Variants in C2CD2 observed in about 807,000 individuals in gnomAD.
C2CD2 encodes C2 calcium dependent domain containing 2.
In C2CD2, 43 loss-of-function variants were observed where a neutral mutation model predicts 74.3. That is an observed-to-expected ratio of 0.58 (90% confidence interval 0.45 to 0.75). C2CD2 has a LOEUF of 0.75. Ranked by LOEUF, C2CD2 falls within the 30% of genes least tolerant of loss-of-function variation. The pLI is 0.00. For synonymous variants in C2CD2, 422 were observed against 390.7 expected, an observed-to-expected ratio of 1.08 and a Z score of -0.94; for missense variants, 801 against 916.3, an observed-to-expected ratio of 0.87 and a Z score of 1.63.
chr21:41,928,985 C>T lies in C2CD2; in HGVS notation c.379-6900G>A, dbSNP rs574938266. On this transcript the variant is annotated intron_variant, in intron 2 of 13. Coordinates refer to ENST00000380486, the MANE Select transcript of C2CD2 (RefSeq NM_015500.2). The stretch of plus-strand genomic sequence containing the variant: ...AGTGAAATAATAAAAGTGATAATAT[C>T]ATACCTGTAATCTCAGCACTTTGGG... 2.0e-5 allele frequency among the ~76,000 whole-genome samples: 3 copies of T among 151,486 alleles called. No individual in the cohort carries two copies. The South Asian group carries it at 6.3e-4, about 32-fold the overall frequency.
intron 2 of C2CD2, among the ~76,000 whole-genome samples, chr21:41,937,305 G>A (rs533245887): frequency 2.7e-5 from 4 of 149,078 alleles, no homozygotes; most frequent in Non-Finnish European, 4.5e-5. Flanking sequence ...TTTTAGTAGA[G>A]ACAGGGTTTC....
intron 1 of C2CD2, among the ~76,000 whole-genome samples, chr21:41,948,359 G>A (rs1481620296): frequency 6.6e-6 from 1 of 152,214 alleles, no homozygotes; most frequent in East Asian, 1.9e-4. Context: ...GCCGGGAGCT[G>A]ACCAGGGCAT....
chr21:41,951,452 T>G (rs1020046028), intron 1 of C2CD2, among the ~76,000 whole-genome samples: 7 of 143,352 alleles, frequency 4.9e-5, no homozygotes, highest in African/African-American at 1.8e-4. Flanking sequence ...TGGCCCTGGG[T>G]TGCTTTGAGC....
intron 2 of C2CD2, among the ~76,000 whole-genome samples, chr21:41,925,727 C>T (rs1601589258): frequency 6.6e-6 from 1 of 152,186 alleles, no homozygotes; most frequent in African/African-American, 2.4e-5. Context: ...AGTGGCAGGG[C>T]CCCCACGGGC....
In C2CD2 at chr21:41,947,112, T is replaced by TTCTCTCCCTCTCTCTCTC. The variant is rs1555906756; in HGVS notation, c.280-4868_280-4867insGAGAGAGAGAGGGAGAGA. 1.4e-3 allele frequency among the ~76,000 whole-genome samples: 38 copies of TTCTCTCCCTCTCTCTCTC among 26,212 alleles called. 6 individuals carry two copies. In the South Asian group the frequency reaches 0.026, roughly 18 times the overall value. The allele number at this position is 26,212 out of a possible 152,430, so 17.2% of individuals were successfully genotyped here. On this transcript the variant is annotated intron_variant, in intron 1 of 13. Transcript: ENST00000380486. ...TTTCTTTCTTTCTTTCCTTTCTCTT[T>TTCTCTCCCTCTCTCTCTC]TCTCTCTCTCTCTCTCTCTCTCTCT... is the stretch of plus-strand genomic sequence containing the variant.
chr21:41,894,304 A>G (rs1220961552), intron 13 of C2CD2, among the ~76,000 whole-genome samples: 2 of 152,074 alleles, frequency 1.3e-5, no homozygotes, highest in Admixed American at 1.3e-4. Context: ...TTTCCTACCT[A>G]TAGGATTTTA....
At chr21:41,921,891 T>G in intron 3 of C2CD2, 81 bp downstream of exon 3, 1 of 840,734 alleles carries the variant, frequency 1.2e-6, no homozygotes, top group East Asian at 2.5e-5. Context: ...GTTACAGCCC[T>G]CTGACTCACA....
intron 11 of C2CD2, among the ~76,000 whole-genome samples, chr21:41,904,364 T>C (rs2064935648): frequency 1.3e-5 from 2 of 152,194 alleles, no homozygotes; most frequent in Non-Finnish European, 2.9e-5. Context: ...ACCACTTGTT[T>C]AACATATGAT....
intron 2 of C2CD2, among the ~76,000 whole-genome samples, chr21:41,928,166 G>T (rs532262838): frequency 5.9e-5 from 9 of 152,232 alleles, no homozygotes; most frequent in Non-Finnish European, 1.3e-4. Flanking sequence ...GGCAGCTAGT[G>T]CTTCCTGACA....
Position 41,895,695 on chromosome 21 carries a change from A to AT in C2CD2, c.1870+3357dup, listed in dbSNP as rs2064813884. 6.6e-6 allele frequency among the ~76,000 whole-genome samples: 1 copy of AT among 152,264 alleles called. No homozygotes were observed. Among genetic ancestry groups the AT allele is most frequent in the South Asian group, 2.1e-4 (1 of 4,836 alleles). On this transcript the variant is annotated intron_variant, in intron 13 of 13. Transcript: ENST00000380486. This position sits in a 1 kb window ranked among gnomAD's most constrained non-coding sequence, Gnocchi z 5.0. The stretch of plus-strand genomic sequence containing the variant: ...AACAAATACGTGAAAGAATTTAAAC[A>AT]TAATTAATCTAAATTATAGCTCTAA...
intron 1 of C2CD2, among the ~76,000 whole-genome samples, chr21:41,951,241 G>A (rs1173208302): frequency 6.6e-6 from 1 of 152,190 alleles, no homozygotes; most frequent in Non-Finnish European, 1.5e-5. Flanking sequence ...AGGATGCCGG[G>A]AGGGTGTGTG....
Position 41,953,557 on chromosome 21 carries a change from A to G in C2CD2, c.92T>C (p.Leu31Pro). Reference protein sequence around the residue: ...LFVAALATVGLYLAQWALARA... With the variant: ...LFVAALATVGPYLAQWALARA... ...GGCCAGCGCCCACTGCGCCAGGTAC[A>G]GGCCTACCGTGGCCAGGGCCGCGAC... Residue 31 changes from leucine (L) to proline (P), a missense_variant, in exon 1 of 14, where the codon CTG becomes CCG. Leu to Pro is a moderately conservative substitution (Grantham distance 98). Coordinates refer to ENST00000380486, the MANE Select transcript of C2CD2 (RefSeq NM_015500.2). 1 of 1,494,246 alleles carries G rather than the reference A, an allele frequency of 6.7e-7. No homozygotes were observed. Among genetic ancestry groups the G allele is most frequent in the Non-Finnish European group, 8.8e-7 (1 of 1,130,246 alleles). 92.6% of individuals were successfully genotyped at this position (1,494,246 alleles called of 1,614,324 possible). A position where few individuals can be genotyped will look rare whatever the true frequency, so the allele number is the denominator to read the frequency against.
At chr21:41,891,479 A>G (rs1480289971) in intron 13 of C2CD2, among the ~76,000 whole-genome samples, 1 of 152,216 alleles carries the variant, frequency 6.6e-6, no homozygotes, top group Non-Finnish European at 1.5e-5. Flanking sequence ...ATCAGAGGGC[A>G]CCTGCTGGGG....
At position 41,899,456 on chromosome 21, in the gene C2CD2, G is replaced by C. The variant is rs1278360614; in HGVS notation, c.1561-94C>G. The C allele has an allele frequency of 7.5e-6, 9 of 1,197,936 alleles. No individual in the cohort carries two copies. The African/African-American group carries it at 1.4e-4, about 18-fold the overall frequency. 74.2% of individuals were successfully genotyped at this position (1,197,936 alleles called of 1,614,324 possible). On this transcript the variant is annotated intron_variant, in intron 12 of 13. Transcript: ENST00000380486. This position sits in a 1 kb window ranked among gnomAD's most constrained non-coding sequence, Gnocchi z 4.4. Reference sequence around the variant, plus strand: ...AAGCACTCTCCAAAACATTCTGACAGCTGATTTCAAAGTCTCAGAAGATGC... The same window carrying C: ...AAGCACTCTCCAAAACATTCTGACACCTGATTTCAAAGTCTCAGAAGATGC...
Position 41,953,719 on chromosome 21 carries a change from G to T in C2CD2, c.-71C>A. 2 of 1,254,074 alleles carry T rather than the reference G, an allele frequency of 1.6e-6. No individual in the cohort carries two copies. The highest frequency in any genetic ancestry group is 2.0e-6 in the Non-Finnish European group (2 of 997,556). 77.7% of individuals were successfully genotyped at this position (1,254,074 alleles called of 1,614,324 possible). Reference sequence around the variant, plus strand: ...GGCCGGAACGGCGGACTCAGGACACGCGCTGGCTGCGGCCACAGCGCGCTG... The same window carrying T: ...GGCCGGAACGGCGGACTCAGGACACTCGCTGGCTGCGGCCACAGCGCGCTG... On this transcript the variant is annotated 5_prime_UTR_variant, in exon 1 of 14. Coordinates refer to ENST00000380486, the MANE Select transcript of C2CD2 (RefSeq NM_015500.2).
chr21:41,936,738 A>G (rs1040478238), intron 2 of C2CD2, among the ~76,000 whole-genome samples: 2 of 151,550 alleles, frequency 1.3e-5, no homozygotes, highest in African/African-American at 4.8e-5. Flanking sequence ...GACGATGAGG[A>G]TGAAGACCTT....
chr21:41,943,576 T>A (rs893524305), intron 1 of C2CD2, among the ~76,000 whole-genome samples: 4 of 152,124 alleles, frequency 2.6e-5, no homozygotes, highest in Middle Eastern at 3.2e-3. Flanking sequence ...CAAGCTCCCA[T>A]CGTATCTCAT....
intron 6 of C2CD2, 27 bp downstream of exon 6, chr21:41,914,571 G>A (rs765023131): frequency 5.0e-5 from 80 of 1,607,664 alleles, no homozygotes; most frequent in Non-Finnish European, 6.7e-5. Flanking sequence ...AGCCCCTCCA[G>A]GCAGGCAGGC....
rs529749980 is a variant in C2CD2, at chr21:41,939,082, G to A, written c.378+3065C>T. 2.4e-4 allele frequency among the ~76,000 whole-genome samples: 36 copies of A among 152,166 alleles called. No homozygotes were observed. Among genetic ancestry groups the A allele is most frequent in the Admixed American group, 1.2e-3 (18 of 15,284 alleles). On this transcript the variant is annotated intron_variant, in intron 2 of 13. Coordinates refer to ENST00000380486, the MANE Select transcript of C2CD2 (RefSeq NM_015500.2). The surrounding 1 kb of genome is among the most constrained non-coding windows in gnomAD (Gnocchi z 5.5). ...TTCTATGGCTGAATTCTATTCCACCGCGTGGACGAGCCACAGTTTATTGAT... is the reference window on the plus strand; with the variant it reads ...TTCTATGGCTGAATTCTATTCCACCACGTGGACGAGCCACAGTTTATTGAT...
Sources: gnomAD v4.1 joint callset for allele counts (sites outside exome capture counted in the v4.1 genomes callset) on GRCh38, gnomAD v4.1.1 for gene constraint, Gnocchi (gnomAD v3.1) non-coding constraint, MANE v1.5 for transcripts, NCBI Gene and HGNC (gene_info 2026-07-23, HGNC 2026-07-21) for gene names.